PBRM1: variants seen among roughly 807,000 people sequenced by gnomAD.
PBRM1 encodes the protein polybromo 1, also known as protein polybromo-1.
In PBRM1, 27 loss-of-function variants were observed where a neutral mutation model predicts 194.5. That is an observed-to-expected ratio of 0.14 (90% confidence interval 0.10 to 0.19). The LOEUF is 0.19. PBRM1 is among the 10% of genes least tolerant of loss of function. The probability of loss-of-function intolerance (pLI) is 1.00; values close to 1 mark genes in which losing one functional copy is unlikely to be tolerated. For missense variants in PBRM1, 1,466 were observed against 2,077.2 expected, an observed-to-expected ratio of 0.71 and a Z score of 5.72; for synonymous variants, 655 against 693.2, an observed-to-expected ratio of 0.94 and a Z score of 0.87.
At chr3:52,550,483 T>C (rs778303337) in exon 29 of PBRM1, 3 of 1,580,546 alleles carry the variant, frequency 1.9e-6, no homozygotes, top group South Asian at 2.3e-5. Context: ...TTCAATGTAT[T>C]TCAGGTAGGC....
At chr3:52,617,008 A>T (rs985680039) in intron 14 of PBRM1, among the ~76,000 whole-genome samples, 1 of 152,212 alleles carries the variant, frequency 6.6e-6, no homozygotes, top group Admixed American at 6.5e-5. Context: ...ATTGAGGCTC[A>T]GGAAGGATAA....
intron 10 of PBRM1, among the ~76,000 whole-genome samples, chr3:52,638,198 T>C (rs968039071): frequency 1.3e-5 from 2 of 152,142 alleles, no homozygotes; most frequent in Non-Finnish European, 2.9e-5. Context: ...TGCTTATATT[T>C]TGTGCAGTTT....
At chr3:52,610,127 CTG>C (rs1038293686) in intron 15 of PBRM1, among the ~76,000 whole-genome samples, 172 bp from the exon 18 acceptor site, 21 of 152,046 alleles carry the variant, frequency 1.4e-4, no homozygotes, top group Admixed American at 3.3e-4. Context: ...TTTTTTTTAA[CTG>C]TTTTCAGTAA....
At chr3:52,672,552 C>A (rs1206498203) in intron 2 of PBRM1, among the ~76,000 whole-genome samples, 2 of 133,472 alleles carry the variant, frequency 1.5e-5, no homozygotes, top group Non-Finnish European at 3.1e-5. Context: ...TGGAGTGCAA[C>A]AGCGTTATCT....
intron 7 of PBRM1, among the ~76,000 whole-genome samples, chr3:52,646,422 C>T (rs974235144): frequency 2.6e-5 from 4 of 152,148 alleles, no homozygotes; most frequent in Non-Finnish European, 4.4e-5. Context: ...ATGAAACAGT[C>T]ATTTTACATT....
chr3:52,574,662 A>G (rs1302950056), intron 22 of PBRM1, among the ~76,000 whole-genome samples: 9 of 152,160 alleles, frequency 5.9e-5, no homozygotes, highest in Admixed American at 5.2e-4. Context: ...AGGCCCTAAG[A>G]TCTCATTTCT....
chr3:52,655,940 C>T (rs2096599635), intron 5 of PBRM1, among the ~76,000 whole-genome samples: 1 of 152,168 alleles, frequency 6.6e-6, no homozygotes, highest in Non-Finnish European at 1.5e-5. Flanking sequence ...CAGTTATAGA[C>T]AGTAATACAA....
chr3:52,547,475 A>C (rs2079824969), downstream of PBRM1: 1 of 233,534 alleles, frequency 4.3e-6, no homozygotes, highest in African/African-American at 2.2e-5. Flanking sequence ...AACATCTAAA[A>C]CCTAAATAAC....
chr3:52,588,423 G>A (rs916255904), intron 18 of PBRM1, among the ~76,000 whole-genome samples: 1 of 152,108 alleles, frequency 6.6e-6, no homozygotes, highest in Admixed American at 6.6e-5. Flanking sequence ...GTTTTGCAAG[G>A]GAAAATATGA....
In PBRM1 at chr3:52,586,692, G is replaced by C. The variant is rs374475541; in HGVS notation, c.3124-4C>G. 5.0e-6 allele frequency: 8 copies of C among 1,597,776 alleles called. 1 individual carries two copies. The highest frequency in any genetic ancestry group is 1.7e-4 in the Middle Eastern group (1 of 6,022). ...CTGGGCATAACTTAAAGTATTCCTG[G>C]GGGGTGGGGAGGGCATAAGAATAAA... On this transcript the variant is annotated splice_polypyrimidine_tract_variant and splice_region_variant and intron_variant, in intron 19 of 29. Transcript: ENST00000296302.
At chr3:52,679,004 CCTACATACT>C (rs942924543) in intron 1 of PBRM1, among the ~76,000 whole-genome samples, 1 of 152,142 alleles carries the variant, frequency 6.6e-6, no homozygotes, top group African/African-American at 2.4e-5. Context: ...TTGTGTGGGC[CCTACATACT>C]CTGAATGGGT....
intron 5 of PBRM1, among the ~76,000 whole-genome samples, chr3:52,652,050 T>A (rs2096509275): frequency 6.6e-6 from 1 of 152,162 alleles, no homozygotes; most frequent in South Asian, 2.1e-4. Context: ...GTATTTTGAG[T>A]GTTATTATGC....
chr3:52,634,910 A>C, intron 10 of PBRM1, 95 bp from the exon 12 acceptor site: 2 of 840,846 alleles, frequency 2.4e-6, no homozygotes, highest in Non-Finnish European at 1.9e-6. Flanking sequence ...GATTGAACTA[A>C]ATATATTTGA....
chr3:52,655,189 CT>C (rs2096586680), intron 5 of PBRM1, among the ~76,000 whole-genome samples: 1 of 152,104 alleles, frequency 6.6e-6, no homozygotes, highest in Admixed American at 6.6e-5. Context: ...ACCTCCAGAA[CT>C]TTTTAATCTT....
chr3:52,656,708 T>C (rs982562347), intron 5 of PBRM1, among the ~76,000 whole-genome samples: 12 of 152,064 alleles, frequency 7.9e-5, no homozygotes, highest in Non-Finnish European at 1.5e-4. Context: ...AAAGTGCTTA[T>C]TTTATCAATG....
intron 22 of PBRM1, among the ~76,000 whole-genome samples, chr3:52,573,109 T>C (rs1043892301): frequency 6.6e-6 from 1 of 152,180 alleles, no homozygotes; most frequent in Non-Finnish European, 1.5e-5. Flanking sequence ...CAGCTAGCTG[T>C]AGACTAACTA....
intron 11 of PBRM1, among the ~76,000 whole-genome samples, chr3:52,631,887 CAG>C (rs1337767809): frequency 6.6e-6 from 1 of 152,112 alleles, no homozygotes; most frequent in Non-Finnish European, 1.5e-5. Flanking sequence ...TCAAAATTCA[CAG>C]AGACTGATTC....
upstream of PBRM1, chr3:52,681,771 G>C (rs1400864217): frequency 2.0e-6 from 2 of 996,652 alleles, no homozygotes; most frequent in African/African-American, 1.7e-5. Context: ...GAAGCCAGTG[G>C]GAGAAGGAAG....
At chr3:52,633,726 C>T (rs921067272) in intron 11 of PBRM1, among the ~76,000 whole-genome samples, 1 of 152,150 alleles carries the variant, frequency 6.6e-6, no homozygotes, top group South Asian at 2.1e-4. Flanking sequence ...TGGTATCACA[C>T]AAAAGTTCTG....
Sources: allele counts gnomAD v4.1 joint callset (sites outside exome capture counted in the v4.1 genomes callset), GRCh38; gene constraint gnomAD v4.1.1; transcripts MANE v1.5; gene names NCBI Gene and HGNC (gene_info 2026-07-23, HGNC 2026-07-21).